Variants in CCDC62 observed in about 807,000 individuals in gnomAD.
CCDC62 encodes coiled-coil domain-containing protein 62.
A neutral mutation model predicts 80.8 loss-of-function variants in CCDC62; 72 were observed. The ratio of observed to expected loss-of-function variants is 0.89; its 90% CI spans 0.74 to 1.08. The LOEUF is 1.08. CCDC62 is among the 50% of genes least tolerant of loss of function. The pLI is 0.00. For synonymous variants in CCDC62, 286 were observed against 296.5 expected, an observed-to-expected ratio of 0.96 and a Z score of 0.36; for missense variants, 704 against 809.4, an observed-to-expected ratio of 0.87 and a Z score of 1.58.
At chr12:122,820,193 A>G (rs1304628188) in intron 11 of CCDC62, among the ~76,000 whole-genome samples, 2 of 152,154 alleles carry the variant, frequency 1.3e-5, no homozygotes, top group Non-Finnish European at 2.9e-5. Flanking sequence ...ATGAGGCAGA[A>G]GCGGGACTTC....
At position 122,790,763 on chromosome 12, in the gene CCDC62, AC is replaced by A. The variant is rs149045333; in HGVS notation, c.671-1256del. ...GACTGCAGGTTCCAGCCCTGTCTTC[AC>A]TTGGTGTTTCTGGTGGCTGTCTGCA... On this transcript the variant is annotated intron_variant, in intron 5 of 12. Coordinates refer to ENST00000253079, the MANE Select transcript of CCDC62 (RefSeq NM_201435.5). Among the ~76,000 whole-genome samples the A allele has an allele frequency of 8.1e-4, 123 of 152,132 alleles. 1 individual carries two copies. In the East Asian group the frequency reaches 0.022, roughly 27 times the overall value.
chr12:122,780,643 A>AT (rs1841289765), intron 2 of CCDC62, among the ~76,000 whole-genome samples: 1 of 150,564 alleles, frequency 6.6e-6, no homozygotes, highest in African/African-American at 2.4e-5. Context: ...ATAAAATAAA[A>AT]TAAAATAAAA....
chr12:122,804,313 C>G (rs1250414201), intron 9 of CCDC62, among the ~76,000 whole-genome samples: 1 of 152,080 alleles, frequency 6.6e-6, no homozygotes, highest in African/African-American at 2.4e-5. Flanking sequence ...ATGGTGAAAC[C>G]CTATCTCTAC....
At chr12:122,805,187 C>CTTTTTTTTTTT (rs35231650) in intron 9 of CCDC62, among the ~76,000 whole-genome samples, 1 of 64,482 alleles carries the variant, frequency 1.6e-5, no homozygotes, top group Non-Finnish European at 2.8e-5. Flanking sequence ...AACTGGCCGG[C>CTTTTTTTTTTT]TTTTTTTTTT....
chr12:122,778,391 G>A (rs1879616088), intron 2 of CCDC62, among the ~76,000 whole-genome samples: 1 of 151,040 alleles, frequency 6.6e-6, no homozygotes, highest in Admixed American at 6.6e-5. Context: ...TCTCAAAAAT[G>A]GTTGCAAAAA....
At chr12:122,825,752 G>A (rs1415286492) in intron 12 of CCDC62, among the ~76,000 whole-genome samples, 1 of 150,392 alleles carries the variant, frequency 6.6e-6, no homozygotes, top group Non-Finnish European at 1.5e-5. Flanking sequence ...TTGGGAGGCC[G>A]AGGTGGGCGG....
At chr12:122,797,459 A>G in intron 7 of CCDC62, 64 bp downstream of exon 7, 2 of 865,878 alleles carry the variant, frequency 2.3e-6, no homozygotes, top group Non-Finnish European at 3.9e-6. Flanking sequence ...GCAAATTAGG[A>G]AAAATGTATG....
intron 4 of CCDC62, 77 bp downstream of exon 4, chr12:122,785,897 G>T (rs545729337): frequency 1.0e-6 from 1 of 957,584 alleles, no homozygotes. Flanking sequence ...TACCTAAGTC[G>T]CTAGGATCCC....
chr12:122,810,319 A>G (rs2031814994), intron 10 of CCDC62, among the ~76,000 whole-genome samples: 1 of 152,232 alleles, frequency 6.6e-6, no homozygotes, highest in Admixed American at 6.6e-5. Context: ...CAACAAATTT[A>G]CAAGAAAAAA....
chr12:122,799,575 A>G (rs1027069839), intron 8 of CCDC62, among the ~76,000 whole-genome samples: 1 of 152,240 alleles, frequency 6.6e-6, no homozygotes, highest in Non-Finnish European at 1.5e-5. Context: ...ATTAAAATAT[A>G]AACATATAAA....
At chr12:122,816,583 A>G (rs536683499) in intron 11 of CCDC62, among the ~76,000 whole-genome samples, 9 of 152,278 alleles carry the variant, frequency 5.9e-5, no homozygotes, top group African/African-American at 2.2e-4. Context: ...ATTTTTTTTA[A>G]TTAGCTGGAC....
intron 12 of CCDC62, among the ~76,000 whole-genome samples, chr12:122,825,760 C>T (rs1472385360): frequency 6.7e-6 from 1 of 149,176 alleles, no homozygotes; most frequent in African/African-American, 2.5e-5. Flanking sequence ...CCGAGGTGGG[C>T]GGATCGCCTG....
intron 2 of CCDC62, among the ~76,000 whole-genome samples, chr12:122,780,791 G>A (rs1020855200): frequency 1.3e-5 from 2 of 152,018 alleles, no homozygotes; most frequent in Non-Finnish European, 2.9e-5. Context: ...AGCAAAAAAA[G>A]CAAACAGAAG....
intron 11 of CCDC62, among the ~76,000 whole-genome samples, chr12:122,818,625 AAAAT>A (rs2032270506): frequency 6.6e-6 from 1 of 151,880 alleles, no homozygotes; most frequent in African/African-American, 2.4e-5. Context: ...CTGTCTAAGA[AAAAT>A]AAAATAAAAT....
chr12:122,786,699 G>T (rs1354455566), intron 4 of CCDC62, among the ~76,000 whole-genome samples: 12 of 151,958 alleles, frequency 7.9e-5, no homozygotes, highest in Admixed American at 7.9e-4. Context: ...GGTGGCTCAC[G>T]CCTGTAATCC....
At position 122,827,240 on chromosome 12, in the gene CCDC62, T is replaced by C. The variant is rs2032670400; in HGVS notation, c.*859T>C. ...TATGTTTCCTTGGTTTCTTTTTATT[T>C]TACAGGAGTAAAATAAGGAAGGAAC... On this transcript the variant is annotated 3_prime_UTR_variant, in exon 13 of 13. Transcript: ENST00000253079. The C allele has an allele frequency of 6.6e-6, 1 of 152,236 alleles. No individual in the cohort carries two copies. The highest frequency in any genetic ancestry group is 2.1e-4 in the South Asian group (1 of 4,832). The allele number at this position is 152,236 out of a possible 1,614,324, so 9.4% of individuals were successfully genotyped here. A position where few individuals can be genotyped will look rare whatever the true frequency, so the allele number is the denominator to read the frequency against.
chr12:122,785,925 A>G, intron 4 of CCDC62, 105 bp downstream of exon 4: 2 of 744,928 alleles, frequency 2.7e-6, no homozygotes, highest in South Asian at 1.6e-5. Flanking sequence ...TGAAGCTACC[A>G]ACGTTGCTCT....
chr12:122,777,768 A>G, intron 2 of CCDC62, 85 bp downstream of exon 2: 1 of 1,255,600 alleles, frequency 8.0e-7, no homozygotes, highest in Non-Finnish European at 1.1e-6. Flanking sequence ...GAGAGGAAGT[A>G]AAGACTGCAA....
chr12:122,775,093 CAAAAAA>C (rs36059141), intron 1 of CCDC62, among the ~76,000 whole-genome samples: 752 of 60,498 alleles, frequency 0.012, 11 homozygotes, highest in African/African-American at 0.042. Context: ...GACTCCGTCT[CAAAAAA>C]AAAAAAAAAA....
Sources: gnomAD v4.1 joint callset for allele counts (sites outside exome capture counted in the v4.1 genomes callset) on GRCh38, gnomAD v4.1.1 for gene constraint, MANE v1.5 for transcripts, NCBI Gene and HGNC (gene_info 2026-07-23, HGNC 2026-07-21) for gene names.